Variants in CFAP161 observed in about 807,000 individuals in gnomAD.
CFAP161 encodes the protein cilia- and flagella-associated protein 161.
In CFAP161, 25 loss-of-function variants were observed where a neutral mutation model predicts 29.0. The ratio of observed to expected loss-of-function variants is 0.86; its 90% confidence interval spans 0.63 to 1.20. The LOEUF is 1.20. Among genes scored for constraint, CFAP161 ranks in the 50% most tolerant of loss-of-function variants. The pLI, the probability that CFAP161 is intolerant of heterozygous loss-of-function variation, is 0.00. For synonymous variants in CFAP161, 116 were observed against 137.4 expected, an observed-to-expected ratio of 0.84 and a Z score of 1.09; for missense variants, 367 against 371.9, an observed-to-expected ratio of 0.99 and a Z score of 0.11.
At chr15:81,134,246 C>T (rs1301516112), upstream of CFAP161, 4 of 1,490,188 alleles carry the variant, frequency 2.7e-6, no homozygotes, top group East Asian at 2.5e-5. Context: ...CTTGACCAAT[C>T]GCCTGGGGCC....
In CFAP161 at chr15:81,148,600, C is replaced by T. The variant is rs541043854; in HGVS notation, c.*67C>T. 2 of 1,465,958 alleles carry T rather than the reference C, an allele frequency of 1.4e-6. No homozygotes were observed. The highest frequency in any genetic ancestry group is 2.3e-5 in the East Asian group (1 of 43,466). 90.8% of individuals were successfully genotyped at this position (1,465,958 alleles called of 1,614,324 possible). On this transcript the variant is annotated 3_prime_UTR_variant, in exon 7 of 7. Coordinates refer to ENST00000286732, the MANE Select transcript of CFAP161 (RefSeq NM_173528.4). ...CAAATGTAGCTTTAAAAGAAATTAA[C>T]AACCTTGGTCATGCCTCAAGCTATT... is the stretch of plus-strand genomic sequence containing the variant.
intron 1 of CFAP161, among the ~76,000 whole-genome samples, chr15:81,134,644 A>G (rs1177384528): frequency 6.6e-6 from 1 of 152,078 alleles, no homozygotes; most frequent in Non-Finnish European, 1.5e-5. Flanking sequence ...GGCCTCCCAA[A>G]GTCAGATGCC....
At chr15:81,105,030 G>A (rs1567149786) in intron 1 of CFAP161, among the ~76,000 whole-genome samples, 1 of 151,324 alleles carries the variant, frequency 6.6e-6, no homozygotes, top group South Asian at 2.1e-4. Flanking sequence ...AGCTTCTGGC[G>A]ATCCTTGATG....
upstream of CFAP161, among the ~76,000 whole-genome samples, chr15:81,130,929 C>T (rs1252995397): frequency 6.6e-6 from 1 of 152,010 alleles, no homozygotes; most frequent in Non-Finnish European, 1.5e-5. Context: ...CTTATATGCC[C>T]ATGGTTCATG....
At chr15:81,109,344 C>A (rs1431016126) in intron 1 of CFAP161, among the ~76,000 whole-genome samples, 2 of 152,184 alleles carry the variant, frequency 1.3e-5, no homozygotes, top group Admixed American at 6.5e-5. Flanking sequence ...TCTCCTGTTG[C>A]AGTTCTTCAA....
At chr15:81,126,772 C>G (rs904073557) in intron 1 of CFAP161, among the ~76,000 whole-genome samples, 1 of 152,134 alleles carries the variant, frequency 6.6e-6, no homozygotes, top group Non-Finnish European at 1.5e-5. Flanking sequence ...TAAAAGATAT[C>G]AGGGTTGTTG....
intron 1 of CFAP161, among the ~76,000 whole-genome samples, chr15:81,108,279 A>G (rs892066515): frequency 1.3e-4 from 20 of 152,300 alleles, no homozygotes; most frequent in African/African-American, 4.6e-4. Context: ...TGCATTCTGA[A>G]TCTTATATTC....
chr15:81,127,272 AT>A (rs1351067485), intron 1 of CFAP161, among the ~76,000 whole-genome samples: 1 of 152,216 alleles, frequency 6.6e-6, no homozygotes, highest in Non-Finnish European at 1.5e-5. Flanking sequence ...CAGAGTGTTT[AT>A]TTTTACTCTC....
At chr15:81,136,924 C>G (rs1314360841) in intron 3 of CFAP161, among the ~76,000 whole-genome samples, 176 bp downstream of exon 3, 1 of 152,104 alleles carries the variant, frequency 6.6e-6, no homozygotes, top group Admixed American at 6.6e-5. Flanking sequence ...TTTACAATCC[C>G]TTTTTACCTT....
At chr15:81,137,764 C>G (rs1035079700) in intron 3 of CFAP161, among the ~76,000 whole-genome samples, 2 of 152,150 alleles carry the variant, frequency 1.3e-5, no homozygotes, top group Non-Finnish European at 2.9e-5. Context: ...ACCAGAATTC[C>G]TTAGTATACA....
upstream of CFAP161, chr15:81,134,176 C>T: frequency 1.2e-6 from 1 of 814,630 alleles, no homozygotes; most frequent in Non-Finnish European, 1.9e-6. Context: ...CCAGACGCCC[C>T]ATCTCCCGCC....
At chr15:81,104,057 A>G (rs966739948) in intron 1 of CFAP161, among the ~76,000 whole-genome samples, 2 of 152,236 alleles carry the variant, frequency 1.3e-5, no homozygotes, top group Non-Finnish European at 2.9e-5. Context: ...ATGGGAAAAT[A>G]GAGGCACAGA....
chr15:81,135,188 A>C, intron 1 of CFAP161, 82 bp from the exon 2 acceptor site: 1 of 1,002,474 alleles, frequency 1.0e-6, no homozygotes, highest in South Asian at 2.1e-5. Context: ...TGCTTTTTCA[A>C]CTTGGAAGAG....
chr15:81,147,806 CAA>C (rs11395672), intron 5 of CFAP161, 50 bp from the exon 6 acceptor site: 473 of 1,192,296 alleles, frequency 4.0e-4, no homozygotes, highest in South Asian at 8.0e-4. Context: ...TCCCTAAAAG[CAA>C]AAAAAAAAAT....
At chr15:81,101,446 G>A (rs1189838880) in intron 1 of CFAP161, among the ~76,000 whole-genome samples, 2 of 139,236 alleles carry the variant, frequency 1.4e-5, no homozygotes, top group East Asian at 4.3e-4. Flanking sequence ...ATAATCACTT[G>A]AACCCGGGAG....
Position 81,148,440 on chromosome 15 carries a change from C to G in CFAP161, c.813C>G (p.Pro271=). The G allele has an allele frequency of 6.2e-7, 1 of 1,614,166 alleles. No homozygotes were observed. The highest frequency in any genetic ancestry group is 8.5e-7 in the Non-Finnish European group (1 of 1,180,036). Reference sequence around the variant, plus strand: ...ACTGGATGTTGGTTACTGGGAATCCCAGGGATGCCTCGTCCTCCATGTTGG... The same window carrying G: ...ACTGGATGTTGGTTACTGGGAATCCGAGGGATGCCTCGTCCTCCATGTTGG... ...RNHWMLVTGN[P]RDASSSMLDL... Residue 271 remains proline (P), a synonymous_variant, in exon 7 of 7, where the codon CCC becomes CCG. Transcript: ENST00000286732.
intron 1 of CFAP161, 45 bp from the exon 2 acceptor site, chr15:81,135,225 A>G (rs775354593): frequency 4.9e-5 from 48 of 983,132 alleles, no homozygotes; most frequent in Non-Finnish European, 6.4e-5. Flanking sequence ...TATTAATACT[A>G]ACATCTATAT....
At chr15:81,106,215 C>G (rs1464395886) in intron 1 of CFAP161, among the ~76,000 whole-genome samples, 3 of 152,160 alleles carry the variant, frequency 2.0e-5, no homozygotes, top group Admixed American at 2.0e-4. Flanking sequence ...GAGTTAAAAG[C>G]AAGGGCAAGA....
Sources: gnomAD v4.1 joint callset for allele counts (sites outside exome capture counted in the v4.1 genomes callset) on GRCh38, gnomAD v4.1.1 for gene constraint, MANE v1.5 for transcripts, NCBI Gene and HGNC (gene_info 2026-07-23, HGNC 2026-07-21) for gene names.